Variants in ADAMTSL3 observed in about 807,000 individuals in gnomAD.
The protein encoded by ADAMTSL3 is ADAMTS like 3, also known as ADAMTS-like protein 3.
Under a neutral mutation model 201.7 loss-of-function variants are expected in ADAMTSL3, and 128 were observed. That is an observed-to-expected ratio of 0.63 (90% CI 0.55 to 0.73). The LOEUF (loss-of-function observed/expected upper bound fraction) is 0.73. Among genes scored for constraint, ADAMTSL3 ranks in the 30% least tolerant of loss-of-function variants. The pLI, the probability that ADAMTSL3 is intolerant of heterozygous loss-of-function variation, is 0.00. For missense variants in ADAMTSL3, 1,990 were observed against 2,119.6 expected, an observed-to-expected ratio of 0.94 and a Z score of 1.20; for synonymous variants, 738 against 748.4, an observed-to-expected ratio of 0.99 and a Z score of 0.23.
intron 21 of ADAMTSL3, among the ~76,000 whole-genome samples, chr15:83,984,057 A>G (rs1048770954): frequency 6.6e-6 from 1 of 152,220 alleles, no homozygotes; most frequent in Admixed American, 6.5e-5. Flanking sequence ...TCTGATCTCT[A>G]TGCCAGTGTA....
chr15:83,880,956 ATTC>A (rs1469481638), intron 9 of ADAMTSL3, among the ~76,000 whole-genome samples: 3 of 150,594 alleles, frequency 2.0e-5, no homozygotes, highest in African/African-American at 7.3e-5. Context: ...TGTTTTTTCT[ATTC>A]TTGGTTATTT....
chr15:83,704,147 G>A lies in ADAMTSL3; in HGVS notation c.70-242G>A, dbSNP rs2061815244. On this transcript the variant is annotated intron_variant, in intron 2 of 29. Transcript: ENST00000286744. ...GTAGCGGGGAGGGGGAGAGAGGCAG[G>A]TGTCAGAGAATAAATGCCATGGCTG... Among the ~76,000 whole-genome samples the A allele has an allele frequency of 2.0e-5, 3 of 152,154 alleles. No homozygotes were observed. In the South Asian group the frequency reaches 6.2e-4, roughly 32 times the overall value.
chr15:83,726,300 T>A (rs2062173826), intron 3 of ADAMTSL3, among the ~76,000 whole-genome samples: 1 of 152,060 alleles, frequency 6.6e-6, no homozygotes, highest in Non-Finnish European at 1.5e-5. Flanking sequence ...TTGTGTGTTA[T>A]CTTTAGTTTT....
intron 8 of ADAMTSL3, among the ~76,000 whole-genome samples, chr15:83,864,487 A>G (rs2064933541): frequency 6.6e-6 from 1 of 152,272 alleles, no homozygotes; most frequent in South Asian, 2.1e-4. Flanking sequence ...GTAATCCAGC[A>G]TATAAATAGA....
At chr15:83,911,433 T>C (rs75867638) in intron 15 of ADAMTSL3, among the ~76,000 whole-genome samples, 2,331 of 152,358 alleles carry the variant, frequency 0.015, 60 homozygotes, top group African/African-American at 0.05. Context: ...TCCTTTTAAA[T>C]GACTACATAT....
intron 19 of ADAMTSL3, among the ~76,000 whole-genome samples, chr15:83,956,417 C>T (rs1233524928): frequency 6.6e-6 from 1 of 152,132 alleles, no homozygotes; most frequent in African/African-American, 2.4e-5. Flanking sequence ...TATGAAGGTG[C>T]TTTTTTGTTC....
At chr15:83,792,656 G>A (rs1199555279) in intron 4 of ADAMTSL3, among the ~76,000 whole-genome samples, 1 of 152,094 alleles carries the variant, frequency 6.6e-6, no homozygotes, top group African/African-American at 2.4e-5. Context: ...GGTGGCACAT[G>A]CCTGTAATCC....
chr15:83,898,127 C>T, intron 14 of ADAMTSL3, 122 bp downstream of exon 14: 2 of 1,091,358 alleles, frequency 1.8e-6, no homozygotes, highest in East Asian at 2.6e-5. Flanking sequence ...TGACAGATTG[C>T]AATAGACCTT....
chr15:83,810,820 C>T (rs1254142977), intron 5 of ADAMTSL3, among the ~76,000 whole-genome samples: 1 of 152,182 alleles, frequency 6.6e-6, no homozygotes, highest in Non-Finnish European at 1.5e-5. Flanking sequence ...CTCACTGAAA[C>T]CTCTGCCTCC....
intron 3 of ADAMTSL3, among the ~76,000 whole-genome samples, chr15:83,719,817 T>C (rs1336463544): frequency 6.6e-6 from 1 of 152,232 alleles, no homozygotes; most frequent in Non-Finnish European, 1.5e-5. Context: ...TTGGATAGTG[T>C]CATTCCATAT....
intron 7 of ADAMTSL3, among the ~76,000 whole-genome samples, chr15:83,844,429 G>A (rs2064452832): frequency 6.6e-6 from 1 of 152,174 alleles, no homozygotes. Context: ...AAGGAAGATT[G>A]TGTAGGATAT....
intron 1 of ADAMTSL3, among the ~76,000 whole-genome samples, chr15:83,655,433 A>C (rs946216005): frequency 1.3e-5 from 2 of 152,138 alleles, no homozygotes; most frequent in African/African-American, 4.8e-5. Context: ...GCCAATAGCG[A>C]CACCCTGCTG....
At chr15:83,879,990 T>A (rs2065241614) in intron 9 of ADAMTSL3, among the ~76,000 whole-genome samples, 1 of 152,196 alleles carries the variant, frequency 6.6e-6, no homozygotes, top group Non-Finnish European at 1.5e-5. Flanking sequence ...CAGTTTATTC[T>A]GTGAAGAAGT....
intron 5 of ADAMTSL3, among the ~76,000 whole-genome samples, chr15:83,811,130 G>A (rs138959234): frequency 7.4e-4 from 112 of 152,244 alleles, no homozygotes; most frequent in African/African-American, 2.4e-3. Context: ...CCGTCTCGAG[G>A]TCTCTAACTT....
chr15:84,018,566 A>T (rs540215747), intron 25 of ADAMTSL3, among the ~76,000 whole-genome samples: 1 of 152,320 alleles, frequency 6.6e-6, no homozygotes, highest in East Asian at 1.9e-4. Flanking sequence ...GACCTAAAGG[A>T]TGAGGTGAAA....
In ADAMTSL3 at chr15:83,961,403, G is replaced by C. The variant is rs143423040; in HGVS notation, c.2491-9081G>C. 1.4e-3 allele frequency among the ~76,000 whole-genome samples: 215 copies of C among 152,242 alleles called. 4 individuals carry two copies. Among genetic ancestry groups the C allele is most frequent in the Admixed American group, 0.011 (163 of 15,278 alleles). On this transcript the variant is annotated intron_variant, in intron 19 of 29. Coordinates refer to ENST00000286744, the MANE Select transcript of ADAMTSL3 (RefSeq NM_207517.3). ...AACACATGGAACAGAAAAGTATTCA[G>C]AGACAAAATAAGGGGAATTAATTCC...
intron 17 of ADAMTSL3, among the ~76,000 whole-genome samples, chr15:83,930,247 C>A (rs2066332553): frequency 6.6e-6 from 1 of 152,088 alleles, no homozygotes; most frequent in African/African-American, 2.4e-5. Flanking sequence ...TTGAGTAGTG[C>A]TTTCAGGTTG....
intron 6 of ADAMTSL3, among the ~76,000 whole-genome samples, chr15:83,837,265 T>C (rs1485784394): frequency 2.0e-5 from 3 of 151,426 alleles, no homozygotes; most frequent in Non-Finnish European, 4.4e-5. Context: ...GATATAAAGA[T>C]ATAGATAAAG....
chr15:83,723,047 A>G (rs2062122818), intron 3 of ADAMTSL3, among the ~76,000 whole-genome samples: 1 of 152,234 alleles, frequency 6.6e-6, no homozygotes, highest in South Asian at 2.1e-4. Flanking sequence ...GAGAAGTTAA[A>G]GTAAGATAAC....
Sources: allele counts gnomAD v4.1 joint callset (sites outside exome capture counted in the v4.1 genomes callset), GRCh38; gene constraint gnomAD v4.1.1; transcripts MANE v1.5; gene names NCBI Gene and HGNC (gene_info 2026-07-23, HGNC 2026-07-21).